TACC1: variants seen among roughly 807,000 people sequenced by gnomAD.
The protein encoded by TACC1 is transforming acidic coiled-coil-containing protein 1.
TACC1 carries 48 observed loss-of-function variants against 84.4 expected under a neutral mutation model. The observed-to-expected ratio is 0.57, with a 90% CI of 0.45 to 0.72. The LOEUF (loss-of-function observed/expected upper bound fraction) is 0.72, where lower values mean the gene tolerates loss of function less well. Ranked by LOEUF, TACC1 falls within the 30% of genes least tolerant of loss-of-function variation. The probability of loss-of-function intolerance (pLI) is 0.00; values close to 1 mark genes in which losing one functional copy is unlikely to be tolerated. For synonymous variants in TACC1, 372 were observed against 376.3 expected (o/e 0.99, Z 0.13); for missense variants, 920 against 973.0 (o/e 0.95, Z 0.72).
intron 2 of TACC1, among the ~76,000 whole-genome samples, chr8:38,809,666 G>A (rs115107288): frequency 0.022 from 3,281 of 152,240 alleles, 74 homozygotes; most frequent in Admixed American, 0.058. Context: ...TTGGCAAAAG[G>A]TGATTCTCAT....
chr8:38,780,134 G>T lies in TACC1; in HGVS notation c.27-8570G>T, dbSNP rs145152699. On this transcript the variant is annotated intron_variant, in intron 3 of 14. Transcript: ENST00000518415. ...GATTTCATTAATTACTTGTAAGTTG[G>T]ATCCTCATCCTTCCTACAGAGCTCT... is the stretch of plus-strand genomic sequence containing the variant. 5.2e-3 allele frequency among the ~76,000 whole-genome samples: 787 copies of T among 152,206 alleles called. 8 individuals are homozygous for T. The highest frequency in any genetic ancestry group is 6.3e-3 in the Non-Finnish European group (430 of 68,012).
chr8:38,827,140 G>A (rs780834645), intron 4 of TACC1, 28 bp from the exon 5 acceptor site: 14 of 1,602,536 alleles, frequency 8.7e-6, no homozygotes. Flanking sequence ...CTCCTAAAGG[G>A]TAGCATCTTC....
chr8:38,825,434 C>T (rs1352144440), intron 4 of TACC1, 66 bp downstream of exon 4: 1 of 1,582,540 alleles, frequency 6.3e-7, no homozygotes, highest in African/African-American at 1.3e-5. Context: ...GTTTGCATCC[C>T]CCTGGCGGGT....
chr8:38,820,280 G>C lies in TACC1; in HGVS notation c.1036G>C (p.Gly346Arg). The C allele has an allele frequency of 6.2e-7, 1 of 1,614,144 alleles. No homozygotes were observed. Among genetic ancestry groups the C allele is most frequent in the Non-Finnish European group, 8.5e-7 (1 of 1,180,028 alleles). The change falls in exon 3 of 13, where the codon GGT (glycine) becomes CGT (arginine). Residue 346 changes from glycine to arginine, a missense_variant. Coordinates refer to ENST00000317827, the MANE Select transcript of TACC1 (RefSeq NM_006283.3). ...ALPRKLGRKL[G>R]STLTPKIQKD... is the part of the protein sequence containing the mutation. ...TCCAAGGAAGCTTGGCAGGAAACTGGGTAGCACACTGACTCCCAAGATACA... is the reference window on the plus strand; with the variant it reads ...TCCAAGGAAGCTTGGCAGGAAACTGCGTAGCACACTGACTCCCAAGATACA...
chr8:38,761,020 T>C (rs1039506271), intron 3 of TACC1, among the ~76,000 whole-genome samples: 1 of 152,222 alleles, frequency 6.6e-6, no homozygotes, highest in Non-Finnish European at 1.5e-5. Context: ...GTGCTAATTC[T>C]ACAAGGCCTC....
chr8:38,769,647 G>C (rs1239307755), intron 3 of TACC1, among the ~76,000 whole-genome samples: 2 of 147,448 alleles, frequency 1.4e-5, no homozygotes, highest in African/African-American at 5.1e-5. Flanking sequence ...TACGTGGGGT[G>C]TGTGTGTGTG....
In TACC1 at chr8:38,797,352, T is replaced by G. The variant is rs1820236352; in HGVS notation, c.277+8533T>G. ...AGCCCTTTTCCACTTTTTAAAAAAC[T>G]TGCATGAAAGGATATACAAGGGTAT... On this transcript the variant is annotated intron_variant, in intron 2 of 12. Transcript: ENST00000317827. Among the ~76,000 whole-genome samples the G allele has an allele frequency of 5.9e-5, 9 of 152,332 alleles. No homozygotes were observed. In the South Asian group the frequency reaches 1.9e-3, roughly 32 times the overall value.
chr8:38,733,676 C>T (rs1437402776), intron 1 of TACC1, among the ~76,000 whole-genome samples: 1 of 152,006 alleles, frequency 6.6e-6, no homozygotes, highest in Non-Finnish European at 1.5e-5. Flanking sequence ...TGATGTTCTT[C>T]CTGGGTGCCC....
chr8:38,824,955 GAGGAACTGAATGTCTCC>G (rs1275286491), intron 3 of TACC1, among the ~76,000 whole-genome samples: 2 of 152,180 alleles, frequency 1.3e-5, no homozygotes, highest in Non-Finnish European at 2.9e-5. Flanking sequence ...GTGAGGCTCA[GAGGAACTGAATGTCTCC>G]AGCTGCTAAG....
chr8:38,807,990 TGAAAG>T (rs755563414), intron 2 of TACC1, among the ~76,000 whole-genome samples: 38 of 152,346 alleles, frequency 2.5e-4, no homozygotes, highest in South Asian at 8.3e-4. Flanking sequence ...GGCTGACTAT[TGAAAG>T]GAAGAGTTTC....
chr8:38,820,158 C>G lies in TACC1; in HGVS notation c.914C>G (p.Ser305Ter). Reference sequence around the variant, plus strand: ...ACTCTCAGTAGTGACACCAACGACTCAGGGGTTGAGCTGGGGGAGGAGTCG... The same window carrying G: ...ACTCTCAGTAGTGACACCAACGACTGAGGGGTTGAGCTGGGGGAGGAGTCG... ...PGTLSSDTND[S>*]GVELGEESRS... is the part of the protein sequence containing the mutation. The change falls in exon 3 of 13, where the codon TCA (serine) becomes TGA (stop). Residue 305 changes from serine to a stop codon, truncating the protein, a stop_gained. Coordinates refer to ENST00000317827, the MANE Select transcript of TACC1 (RefSeq NM_006283.3). LOFTEE classifies it high-confidence loss of function. 6.2e-7 allele frequency: 1 copy of G among 1,614,156 alleles called. No homozygotes were observed. The highest frequency in any genetic ancestry group is 8.5e-7 in the Non-Finnish European group (1 of 1,180,030).
rs74872955 is a variant in TACC1, at chr8:38,815,960, TA to T, written c.278-3544del. 4.3e-3 allele frequency among the ~76,000 whole-genome samples: 555 copies of T among 128,940 alleles called. 1 individual carries two copies. The highest frequency in any genetic ancestry group is 4.5e-3 in the Admixed American group (57 of 12,746). The allele number at this position is 128,940 out of a possible 152,430, so 84.6% of individuals were successfully genotyped here. A position where few individuals can be genotyped will look rare whatever the true frequency, so the allele number is the denominator to read the frequency against. The stretch of plus-strand genomic sequence containing the variant: ...CTAGGCAACGTAGTGAGACCATGTT[TA>T]AAAAAAAAAAAAAAAAAGAATAAAA... On this transcript the variant is annotated intron_variant, in intron 2 of 12. Transcript: ENST00000317827.
upstream of TACC1, chr8:38,785,536 A>G: frequency 3.8e-6 from 1 of 264,136 alleles, no homozygotes; most frequent in Non-Finnish European, 5.9e-6. Flanking sequence ...ACAGTAGATC[A>G]TGAAAGATGG....
At chr8:38,775,914 AACTTG>A in intron 3 of TACC1, among the ~76,000 whole-genome samples, 1 of 152,328 alleles carries the variant, frequency 6.6e-6, no homozygotes, top group Admixed American at 6.5e-5. Flanking sequence ...ACAACAAAAT[AACTTG>A]ACTAATTGAG....
intron 2 of TACC1, among the ~76,000 whole-genome samples, chr8:38,798,932 A>G (rs779136425): frequency 3.3e-5 from 5 of 152,210 alleles, no homozygotes; most frequent in African/African-American, 4.8e-5. Flanking sequence ...ACGAACATAT[A>G]TAAAATACAC....
chr8:38,827,279 G>A lies in TACC1; in HGVS notation c.1564G>A (p.Glu522Lys), dbSNP rs772608273. 1.1e-4 allele frequency: 176 copies of A among 1,614,080 alleles called. No individual in the cohort carries two copies. The highest frequency in any genetic ancestry group is 1.4e-4 in the Non-Finnish European group (160 of 1,180,036). The change falls in exon 5 of 13, where the codon GAG becomes AAG. Residue 522 changes from glutamate to lysine, a missense_variant. Glu to Lys is a moderately conservative substitution (Grantham distance 56, BLOSUM62 1). Around this residue, in one of 2 missense-constraint regions of TACC1, gnomAD observed 762 missense variants for 747.3 expected, o/e 1.02. Coordinates refer to ENST00000317827, the MANE Select transcript of TACC1 (RefSeq NM_006283.3). The stretch of plus-strand genomic sequence containing the variant: ...ATGTGGTCAGAAATCAGCTGGTGCC[G>A]AGGTGAAAGGTGAGCCAGAGGAAGA... ...TSCGQKSAGAEVKGEPEEDLE... is the reference protein window; with the variant it reads ...TSCGQKSAGAKVKGEPEEDLE...
chr8:38,816,892 G>A (rs2152175241), intron 2 of TACC1, among the ~76,000 whole-genome samples: 1 of 152,300 alleles, frequency 6.6e-6, no homozygotes, highest in East Asian at 1.9e-4. Context: ...CTCCCTGGAA[G>A]GAGTGGGGAC....
chr8:38,820,406 C>T lies in TACC1; in HGVS notation c.1162C>T (p.Gln388Ter). The T allele has an allele frequency of 6.2e-7, 1 of 1,614,170 alleles. No individual in the cohort carries two copies. The highest frequency in any genetic ancestry group is 8.5e-7 in the Non-Finnish European group (1 of 1,180,026). ...AACATCTTCCAAGCCAGATCCTAGTCAGTGGGAAAGCCCCAGCTTCAACCC... is the reference window on the plus strand; with the variant it reads ...AACATCTTCCAAGCCAGATCCTAGTTAGTGGGAAAGCCCCAGCTTCAACCC... ...SQTSSKPDPS[Q>*]WESPSFNPFG... is the part of the protein sequence containing the mutation. The change falls in exon 3 of 13, where the codon CAG becomes TAG. Residue 388 changes from glutamine (Q) to a stop codon, truncating the protein, a stop_gained. Transcript: ENST00000317827. LOFTEE classifies it high-confidence loss of function.
In TACC1 at chr8:38,851,280, T is replaced by G. The variant is rs1833052630; in HGVS notation, c.*3257T>G. The G allele has an allele frequency of 6.6e-6, 1 of 152,252 alleles. No homozygotes were observed. Among genetic ancestry groups the G allele is most frequent in the South Asian group, 2.1e-4 (1 of 4,834 alleles). 9.4% of individuals were successfully genotyped at this position (152,252 alleles called of 1,614,324 possible). ...GAATTTTCTTTCCAGCCAGTTACCC[T>G]TTCAACCTACCCATACTTTGTACAA... On this transcript the variant is annotated 3_prime_UTR_variant, in exon 13 of 13. Transcript: ENST00000317827.
Sources: gnomAD v4.1 joint callset for allele counts (sites outside exome capture counted in the v4.1 genomes callset) on GRCh38, gnomAD v4.1.1 for gene constraint, gnomAD v4.1.1 regional missense constraint, MANE v1.5 for transcripts, NCBI Gene and HGNC (gene_info 2026-07-23, HGNC 2026-07-21) for gene names.